The following MGAM variants were observed in gnomAD, a reference collection of about 807,000 sequenced individuals.
MGAM encodes maltase-glucoamylase, also known as alpha-1,4-glucosidase.
Under a neutral mutation model 358.8 loss-of-function variants are expected in MGAM, and 253 were observed. The ratio of observed to expected loss-of-function variants is 0.71; its 90% CI spans 0.64 to 0.78. The LOEUF (loss-of-function observed/expected upper bound fraction) is 0.78, where lower values mean the gene tolerates loss of function less well. Among genes scored for constraint, MGAM ranks in the 30% least tolerant of loss-of-function variants. MGAM has a pLI of 0.00. For synonymous variants in MGAM, 1,105 were observed against 1,227.1 expected (o/e 0.90, Z 2.08); for missense variants, 3,080 against 3,432.6 (o/e 0.90, Z 2.57).
rs1815748410 is a variant in MGAM at position 142,094,826 on chromosome 7, A to G, written c.7421A>G (p.Tyr2474Cys). ...CVRWMQLGAFYPFSRNHNTIG... is the reference protein window; with the variant it reads ...CVRWMQLGAFCPFSRNHNTIG... Reference sequence around the variant, plus strand: ...CGCTGGATGCAGCTGGGGGCCTTTTACCCCTTCTCAAGAAACCACAACACC... The same window carrying G: ...CGCTGGATGCAGCTGGGGGCCTTTTGCCCCTTCTCAAGAAACCACAACACC... Residue 2474 changes from tyrosine to cysteine, a missense_variant, in exon 63 of 71, where the codon TAC (tyrosine) becomes TGC (cysteine). Transcript: ENST00000475668. The G allele has an allele frequency of 2.2e-5, 35 of 1,613,746 alleles. No homozygotes were observed. Among genetic ancestry groups the G allele is most frequent in the Non-Finnish European group, 3.0e-5 (35 of 1,179,840 alleles).
In MGAM at chr7:142,074,074, G is replaced by A. The variant is rs776300022; in HGVS notation, c.5187-11G>A. ...CTCCTGTCTTTGTCTCTTGAATCTT[G>A]TTCCCCACAGTCGAAAGAACCCTCT... On this transcript the variant is annotated splice_polypyrimidine_tract_variant and intron_variant, in intron 44 of 70. Coordinates refer to ENST00000475668, the MANE Select transcript of MGAM (RefSeq NM_001365693.1). The A allele has an allele frequency of 4.6e-6, 7 of 1,511,348 alleles. No individual in the cohort carries two copies. Among genetic ancestry groups the A allele is most frequent in the Admixed American group, 1.7e-5 (1 of 58,054 alleles). 93.6% of individuals were successfully genotyped at this position (1,511,348 alleles called of 1,614,324 possible).
Position 142,097,587 on chromosome 7 carries a change from T to C in MGAM, c.7693-6T>C. ...ACTGCCACACCTTGTTTATGTTTCA[T>C]TTTAGAATGCCAGAAATGTCACTGC... On this transcript the variant is annotated splice_region_variant and splice_polypyrimidine_tract_variant and intron_variant, in intron 65 of 70. Transcript: ENST00000475668. 6.2e-7 allele frequency: 1 copy of C among 1,612,266 alleles called. No individual in the cohort carries two copies. The highest frequency in any genetic ancestry group is 8.5e-7 in the Non-Finnish European group (1 of 1,178,312).
intron 2 of MGAM, among the ~76,000 whole-genome samples, chr7:141,988,770 A>G (rs1414583797): frequency 6.6e-6 from 1 of 152,230 alleles, no homozygotes; most frequent in Non-Finnish European, 1.5e-5. Flanking sequence ...GTGAAGAGGA[A>G]AGGAGTAGAA....
At chr7:142,031,538 C>T (rs10259179) in intron 12 of MGAM, 142 bp from the exon 13 acceptor site, 29,314 of 581,398 alleles carry the variant, frequency 0.05, 2,711 homozygotes, top group African/African-American at 0.3. Context: ...ATTGTGAGCA[C>T]CGCACCTTCT....
In MGAM at chr7:142,083,686, G is replaced by GTGGTGA. The variant is rs1177029634; in HGVS notation, c.6381+282_6381+287dup. Among the ~76,000 whole-genome samples, 5 of 145,550 alleles carry GTGGTGA rather than the reference G, an allele frequency of 3.4e-5. No homozygotes were observed. In the Admixed American group the frequency reaches 3.5e-4, roughly 10 times the overall value. ...TGGTGGTATTTGTGGTTATATGGTG[G>GTGGTGA]TGGTGATGGTGATGATGGTGGTAGG... is the stretch of plus-strand genomic sequence containing the variant. On this transcript the variant is annotated intron_variant, in intron 53 of 70. Coordinates refer to ENST00000475668, the MANE Select transcript of MGAM (RefSeq NM_001365693.1).
chr7:142,009,463 A>T (rs1805434238), intron 3 of MGAM, among the ~76,000 whole-genome samples: 1 of 152,138 alleles, frequency 6.6e-6, no homozygotes, highest in Non-Finnish European at 1.5e-5. Flanking sequence ...TGTACTCAAT[A>T]GCTCACTCAT....
At position 142,069,786 on chromosome 7, in the gene MGAM, G is replaced by A. The variant is rs976785601; in HGVS notation, c.5061+1083G>A. 5.5e-5 allele frequency among the ~76,000 whole-genome samples: 8 copies of A among 145,578 alleles called. 1 individual carries two copies. The highest frequency in any genetic ancestry group is 4.1e-4 in the East Asian group (2 of 4,910). On this transcript the variant is annotated intron_variant, in intron 43 of 70. Transcript: ENST00000475668. ...GGAAGAGGTGGCCAGCTTTCTTTACGTGAGACTGGCCTTTGTCCTGAGTGT... is the reference window on the plus strand; with the variant it reads ...GGAAGAGGTGGCCAGCTTTCTTTACATGAGACTGGCCTTTGTCCTGAGTGT...
rs1554465708 is a variant in MGAM at position 142,036,159 on chromosome 7, G to A, written c.1960-10G>A. ...AGTGAGGTATACCTGTTGTCTGTGT[G>A]TCCTTCCAGGTGGGTCCTGACATAT... On this transcript the variant is annotated splice_polypyrimidine_tract_variant and intron_variant, in intron 16 of 70. Transcript: ENST00000475668. 6.3e-7 allele frequency: 1 copy of A among 1,589,626 alleles called. No individual in the cohort carries two copies. The highest frequency in any genetic ancestry group is 1.1e-5 in the South Asian group (1 of 88,584).
At chr7:142,026,940 T>TGCTG (rs757326907) in intron 8 of MGAM, among the ~76,000 whole-genome samples, 175 bp from the exon 9 acceptor site, 3 of 152,216 alleles carry the variant, frequency 2.0e-5, no homozygotes, top group Non-Finnish European at 4.4e-5. Context: ...GGCTGCCATG[T>TGCTG]GCTGTGAGGG....
In MGAM at chr7:142,095,658, T is replaced by A; in HGVS notation, c.7552T>A (p.Leu2518Met). Residue 2518 changes from leucine (L) to methionine (M), a missense_variant, in exon 64 of 71, where the codon TTG (leucine) becomes ATG (methionine). By Grantham distance (15) the Leu-to-Met change is conservative (BLOSUM62 2). Coordinates refer to ENST00000475668, the MANE Select transcript of MGAM (RefSeq NM_001365693.1). ...CACCCTGTTGCCATATCTGTATACC[T>A]TGATGCATAAGGCCCACACGGAGGG... ...RYTLLPYLYTLMHKAHTEGVT... is the reference protein window; with the variant it reads ...RYTLLPYLYTMMHKAHTEGVT... 6.2e-7 allele frequency: 1 copy of A among 1,613,996 alleles called. No homozygotes were observed. Among genetic ancestry groups the A allele is most frequent in the Non-Finnish European group, 8.5e-7 (1 of 1,179,870 alleles).
In MGAM at chr7:142,094,872, G is replaced by A. The variant is rs1247255910; in HGVS notation, c.7458+9G>A. 1 of 1,612,010 alleles carries A rather than the reference G, an allele frequency of 6.2e-7. No individual in the cohort carries two copies. ...ACACCATTGGGACCAGGGTAGGACA[G>A]TGGCCCCTACCTCCAGTGTTTCACT... is the stretch of plus-strand genomic sequence containing the variant. On this transcript the variant is annotated intron_variant, in intron 63 of 70. Transcript: ENST00000475668.
chr7:142,086,331 A>G lies in MGAM; in HGVS notation c.6747+3A>G. 1 of 1,521,376 alleles carries G rather than the reference A, an allele frequency of 6.6e-7. No individual in the cohort carries two copies. The highest frequency in any genetic ancestry group is 9.0e-7 in the Non-Finnish European group (1 of 1,111,354). The allele number at this position is 1,521,376 out of a possible 1,614,324, so 94.2% of individuals were successfully genotyped here. On this transcript the variant is annotated splice_donor_region_variant and intron_variant, in intron 56 of 70. Transcript: ENST00000475668. ...ATGGAGACATTGTCTGGGGAAAGGT[A>G]TAATCCTAAGCGATGATCCAGTAGT...
At chr7:142,045,182 T>G (rs1261783923) in intron 21 of MGAM, among the ~76,000 whole-genome samples, 1 of 78,832 alleles carries the variant, frequency 1.3e-5, no homozygotes, top group African/African-American at 5.6e-5. Context: ...TTATATAACA[T>G]ATATGATATA....
rs78775979 is a variant in MGAM, at chr7:142,088,008, A to C, written c.6810+1291A>C. 9.2e-3 allele frequency among the ~76,000 whole-genome samples: 1,344 copies of C among 146,344 alleles called. 143 individuals carry two copies. The South Asian group carries it at 0.1, about 11-fold the overall frequency. On this transcript the variant is annotated intron_variant, in intron 57 of 70. Coordinates refer to ENST00000475668, the MANE Select transcript of MGAM (RefSeq NM_001365693.1). ...CCAAATATTCATGCCTTATCCAGATAAGCTGGTTTTCAGGGCAAGTGGTGA... is the reference window on the plus strand; with the variant it reads ...CCAAATATTCATGCCTTATCCAGATCAGCTGGTTTTCAGGGCAAGTGGTGA...
At chr7:142,047,038 A>C (rs1384440112) in intron 21 of MGAM, among the ~76,000 whole-genome samples, 2 of 152,144 alleles carry the variant, frequency 1.3e-5, no homozygotes, top group Non-Finnish European at 2.9e-5. Flanking sequence ...GCATAGTGAA[A>C]GGCTGAACTG....
intron 21 of MGAM, among the ~76,000 whole-genome samples, chr7:142,041,943 TA>T (rs1347183983): frequency 6.1e-5 from 1 of 16,362 alleles, no homozygotes; most frequent in African/African-American, 1.6e-4. Flanking sequence ...ATATATTATA[TA>T]TATACATATA....
chr7:142,017,220 C>T (rs1447795150), intron 3 of MGAM, among the ~76,000 whole-genome samples: 4 of 152,082 alleles, frequency 2.6e-5, no homozygotes, highest in African/African-American at 9.7e-5. Context: ...TTGGTAGTTA[C>T]ACATTCTATA....
chr7:142,088,747 G>GTCTA (rs60202972), intron 57 of MGAM, among the ~76,000 whole-genome samples: 3,181 of 93,442 alleles, frequency 0.034, 230 homozygotes, highest in East Asian at 0.073. Flanking sequence ...CTGTCTGTCT[G>GTCTA]TCTATCTATC....
At chr7:142,067,955 T>TAA (rs1238848793) in intron 42 of MGAM, among the ~76,000 whole-genome samples, 3 of 37,306 alleles carry the variant, frequency 8.0e-5, no homozygotes, top group African/African-American at 1.5e-4. Context: ...TATATATATA[T>TAA]ATATATATAA....
Sources: allele counts gnomAD v4.1 joint callset (sites outside exome capture counted in the v4.1 genomes callset), GRCh38; gene constraint gnomAD v4.1.1; transcripts MANE v1.5; gene names NCBI Gene and HGNC (gene_info 2026-07-23, HGNC 2026-07-21).